The following BIRC6 variants were observed in gnomAD, a reference collection of about 807,000 sequenced individuals.
The protein encoded by BIRC6 is dual E2 ubiquitin-conjugating enzyme/E3 ubiquitin-protein ligase BIRC6.
In BIRC6, 98 loss-of-function variants were observed where a neutral mutation model predicts 503.3. That is an observed-to-expected ratio of 0.19 (90% CI 0.17 to 0.23). The LOEUF is 0.23. Among genes scored for constraint, BIRC6 ranks in the 10% least tolerant of loss-of-function variants. BIRC6 has a pLI of 1.00. For synonymous variants in BIRC6, 2,240 were observed against 2,078.7 expected (o/e 1.08, Z -2.11); for missense variants, 5,360 against 5,806.0 (o/e 0.92, Z 2.50).
At chr2:32,379,155 C>T (rs974255665) in intron 2 of BIRC6, 1 of 152,136 alleles carries the variant, frequency 6.6e-6, no homozygotes, top group African/African-American at 2.4e-5. Flanking sequence ...GTTCCAAAAA[C>T]AGAGAAGCTG....
intron 1 of BIRC6, among the ~76,000 whole-genome samples, chr2:32,364,280 G>A (rs2034551155): frequency 4.6e-5 from 7 of 151,998 alleles, no homozygotes; most frequent in Admixed American, 4.6e-4. Context: ...TATTGAGATG[G>A]AGTCTTGCTC....
At chr2:32,488,818 T>C (rs2051317553) in intron 42 of BIRC6, 104 bp downstream of exon 42, 1 of 821,124 alleles carries the variant, frequency 1.2e-6, no homozygotes, top group Admixed American at 3.8e-5. Context: ...GTTATAACAT[T>C]CTAGTGGGGA....
chr2:32,522,059 G>A (rs934631641), intron 57 of BIRC6: 1 of 151,792 alleles, frequency 6.6e-6, no homozygotes, highest in African/African-American at 2.4e-5. Context: ...CCAAATCTGT[G>A]TTTCCTCTTT....
At chr2:32,535,750 G>A (rs2057178505) in intron 61 of BIRC6, among the ~76,000 whole-genome samples, 2 of 152,266 alleles carry the variant, frequency 1.3e-5, no homozygotes, top group South Asian at 4.1e-4. Flanking sequence ...ATTGTGAATA[G>A]TGCTGCAATA....
chr2:32,397,785 C>T (rs531022546), intron 6 of BIRC6, among the ~76,000 whole-genome samples: 1 of 151,812 alleles, frequency 6.6e-6, no homozygotes, highest in Admixed American at 6.6e-5. Context: ...TAACCTATAC[C>T]TGAAAAGTTA....
chr2:32,414,154 G>T (rs750873890), intron 9 of BIRC6, among the ~76,000 whole-genome samples: 6 of 151,988 alleles, frequency 3.9e-5, no homozygotes, highest in Non-Finnish European at 5.9e-5. Flanking sequence ...AGCTGGGTAT[G>T]GTGGCACAGC....
intron 6 of BIRC6, among the ~76,000 whole-genome samples, chr2:32,400,550 G>T (rs1368978036): frequency 6.6e-6 from 1 of 151,892 alleles, no homozygotes; most frequent in Admixed American, 6.6e-5. Flanking sequence ...TGTTGGTCAG[G>T]CTGGCGTCGA....
chr2:32,540,678 G>C (rs181577819), intron 61 of BIRC6, among the ~76,000 whole-genome samples: 132 of 152,024 alleles, frequency 8.7e-4, no homozygotes, highest in African/African-American at 3.1e-3. Context: ...GTAAATATCA[G>C]TTTATATTCT....
intron 1 of BIRC6, among the ~76,000 whole-genome samples, chr2:32,361,645 A>T (rs1012672641): frequency 6.6e-6 from 1 of 152,124 alleles, no homozygotes; most frequent in Admixed American, 6.5e-5. Context: ...TAGTTTCACT[A>T]CCCTAAAGAT....
At chr2:32,406,132 G>A (rs1296034357) in intron 8 of BIRC6, among the ~76,000 whole-genome samples, 1 of 152,062 alleles carries the variant, frequency 6.6e-6, no homozygotes, top group Admixed American at 6.6e-5. Flanking sequence ...TGGCTCATGC[G>A]TATAATCCCA....
chr2:32,582,636 G>C (rs910213621), intron 66 of BIRC6, among the ~76,000 whole-genome samples: 4 of 152,038 alleles, frequency 2.6e-5, no homozygotes, highest in African/African-American at 7.2e-5. Flanking sequence ...GTGGTGGCAC[G>C]CACCCGTAAT....
At chr2:32,458,226 A>T (rs1430723620) in intron 23 of BIRC6, among the ~76,000 whole-genome samples, 1 of 151,904 alleles carries the variant, frequency 6.6e-6, no homozygotes, top group Admixed American at 6.6e-5. Context: ...TTGCTTTCAG[A>T]ATTTTTCTGT....
intron 70 of BIRC6, 60 bp downstream of exon 70, chr2:32,599,960 A>T: frequency 1.3e-6 from 2 of 1,514,934 alleles, no homozygotes; most frequent in Non-Finnish European, 1.8e-6. Context: ...GGTTCTTTGT[A>T]ATTTGAAGAA....
chr2:32,402,015 A>T (rs143102008), intron 8 of BIRC6, among the ~76,000 whole-genome samples: 3 of 152,370 alleles, frequency 2.0e-5, no homozygotes, highest in African/African-American at 7.2e-5. Flanking sequence ...TTAGCACCTC[A>T]AATTATGGCA....
intron 42 of BIRC6, among the ~76,000 whole-genome samples, chr2:32,489,078 T>C (rs1054519156): frequency 6.6e-6 from 1 of 152,108 alleles, no homozygotes; most frequent in Non-Finnish European, 1.5e-5. Flanking sequence ...CTGGAGGAGT[T>C]AGTCAGCTGG....
chr2:32,512,913 A>C lies in BIRC6; in HGVS notation c.10347-20A>C. 1 of 1,607,198 alleles carries C rather than the reference A, an allele frequency of 6.2e-7. No individual in the cohort carries two copies. Among genetic ancestry groups the C allele is most frequent in the Non-Finnish European group, 8.5e-7 (1 of 1,174,090 alleles). ...TTGCACTATATAGTTGGTTATATGAATTCGTTTTCTTCGTTTAAGAATTCA... is the reference window on the plus strand; with the variant it reads ...TTGCACTATATAGTTGGTTATATGACTTCGTTTTCTTCGTTTAAGAATTCA... On this transcript the variant is annotated intron_variant, in intron 53 of 73. Transcript: ENST00000421745.
chr2:32,428,412 G>A (rs2043758189), intron 10 of BIRC6, among the ~76,000 whole-genome samples: 1 of 152,146 alleles, frequency 6.6e-6, no homozygotes, highest in Non-Finnish European at 1.5e-5. Flanking sequence ...GAAATCACCT[G>A]TTTAAACTGG....
At position 32,618,173 on chromosome 2, in the gene BIRC6, T is replaced by C. The variant is rs781514680; in HGVS notation, c.*269T>C. ...TACAAAGAAATGGATAAATCACTGCTATATAAGGGAAACTACCTTAGGAAA... is the reference window on the plus strand; with the variant it reads ...TACAAAGAAATGGATAAATCACTGCCATATAAGGGAAACTACCTTAGGAAA... On this transcript the variant is annotated 3_prime_UTR_variant, in exon 74 of 74. Coordinates refer to ENST00000421745, the MANE Select transcript of BIRC6 (RefSeq NM_016252.4). The C allele has an allele frequency of 1.5e-5, 4 of 267,702 alleles. No homozygotes were observed. The highest frequency in any genetic ancestry group is 1.4e-5 in the Non-Finnish European group (2 of 142,416). 16.6% of individuals were successfully genotyped at this position (267,702 alleles called of 1,614,324 possible).
chr2:32,363,690 A>G (rs2034455339), intron 1 of BIRC6, among the ~76,000 whole-genome samples: 2 of 152,154 alleles, frequency 1.3e-5, no homozygotes, highest in Non-Finnish European at 2.9e-5. Flanking sequence ...TTCTTTTATG[A>G]ACTCACTACT....
Sources: gnomAD v4.1 joint callset for allele counts (sites outside exome capture counted in the v4.1 genomes callset) on GRCh38, gnomAD v4.1.1 for gene constraint, MANE v1.5 for transcripts, NCBI Gene and HGNC (gene_info 2026-07-23, HGNC 2026-07-21) for gene names.